PARG: variants seen among roughly 807,000 people sequenced by gnomAD.
PARG encodes poly(ADP-ribose) glycohydrolase.
PARG carries 35 observed loss-of-function variants against 113.0 expected under a neutral mutation model. That is an observed-to-expected ratio of 0.31 (90% CI 0.24 to 0.41). The LOEUF is 0.41. Among genes scored for constraint, PARG ranks in the 10% least tolerant of loss-of-function variants. PARG has a pLI of 1.00. For missense variants in PARG, 797 were observed against 1,169.4 expected, an observed-to-expected ratio of 0.68 and a Z score of 4.64; for synonymous variants, 330 against 409.9, an observed-to-expected ratio of 0.81 and a Z score of 2.36.
intron 14 of PARG, 121 bp from the exon 15 acceptor site, chr10:49,842,179 C>G (rs1554832491): frequency 1.8e-5 from 12 of 670,460 alleles, no homozygotes; most frequent in East Asian, 2.7e-5. Flanking sequence ...AAACCAGTGT[C>G]TGCAGGTCTG....
At chr10:49,848,324 G>C (rs1845606529) in intron 13 of PARG, among the ~76,000 whole-genome samples, 2 of 148,484 alleles carry the variant, frequency 1.3e-5, no homozygotes, top group Admixed American at 1.3e-4. Flanking sequence ...ACTCCAGCCT[G>C]GTGACAGAGT....
At chr10:49,821,686 G>T (rs1554828680) in intron 16 of PARG, among the ~76,000 whole-genome samples, 1 of 151,750 alleles carries the variant, frequency 6.6e-6, no homozygotes, top group African/African-American at 2.4e-5. Flanking sequence ...GGCCAAAGAG[G>T]GTATCTTTTT....
chr10:49,903,765 T>TA (rs1554844185), intron 7 of PARG, among the ~76,000 whole-genome samples: 1 of 150,906 alleles, frequency 6.6e-6, no homozygotes, highest in African/African-American at 2.4e-5. Flanking sequence ...TTAGAGTCAT[T>TA]AGACCATCAG....
intron 16 of PARG, among the ~76,000 whole-genome samples, chr10:49,829,900 G>T (rs1844571397): frequency 6.6e-6 from 1 of 151,850 alleles, no homozygotes; most frequent in African/African-American, 2.4e-5. Flanking sequence ...ATATTTTATT[G>T]CATAAATGTA....
At chr10:49,892,491 T>C (rs1362475247) in intron 7 of PARG, among the ~76,000 whole-genome samples, 4 of 152,150 alleles carry the variant, frequency 2.6e-5, no homozygotes, top group South Asian at 2.1e-4. Context: ...TTCTGTATTA[T>C]ACAATGACAA....
intron 15 of PARG, among the ~76,000 whole-genome samples, chr10:49,841,039 G>C (rs1212434247): frequency 6.6e-6 from 1 of 152,152 alleles, no homozygotes; most frequent in African/African-American, 2.4e-5. Flanking sequence ...GATCGCCTGA[G>C]GTCAGGAGTT....
At chr10:49,929,536 T>C (rs1263081320) in intron 4 of PARG, among the ~76,000 whole-genome samples, 3 of 152,274 alleles carry the variant, frequency 2.0e-5, no homozygotes, top group Admixed American at 6.5e-5. Context: ...TTTTTAGAAA[T>C]ACAGTTTTTG....
At chr10:49,927,176 G>A (rs1554850773) in intron 4 of PARG, among the ~76,000 whole-genome samples, 3 of 151,874 alleles carry the variant, frequency 2.0e-5, no homozygotes, top group African/African-American at 4.8e-5. Flanking sequence ...GCATTGTGCC[G>A]CGCGTCGGTA....
chr10:49,857,286 C>T lies in PARG; in HGVS notation c.2353+20G>A. 3 of 905,256 alleles carry T rather than the reference C, an allele frequency of 3.3e-6. No homozygotes were observed. Among genetic ancestry groups the T allele is most frequent in the Non-Finnish European group, 5.3e-6 (3 of 562,672 alleles). 56.1% of individuals were successfully genotyped at this position (905,256 alleles called of 1,614,324 possible). On this transcript the variant is annotated intron_variant, in intron 13 of 17. Coordinates refer to ENST00000616448, the MANE Select transcript of PARG (RefSeq NM_003631.5). ...CAGATGGGGAAGACTACCCCATTTT[C>T]CAGGCTTCCCAAAACTAACCTGTGA...
chr10:49,921,888 A>C (rs1390542936), intron 6 of PARG, among the ~76,000 whole-genome samples: 38 of 152,170 alleles, frequency 2.5e-4, no homozygotes, highest in African/African-American at 8.9e-4. Context: ...AAATTATTAA[A>C]CTGCTAGGAG....
chr10:49,823,190 T>C (rs782455890), intron 16 of PARG, among the ~76,000 whole-genome samples: 19 of 152,320 alleles, frequency 1.2e-4, no homozygotes, highest in Non-Finnish European at 2.2e-4. Context: ...TATATGTAAG[T>C]TAAGCTCAAA....
chr10:49,836,784 GAAT>G (rs1192989232), intron 15 of PARG, among the ~76,000 whole-genome samples: 1 of 152,064 alleles, frequency 6.6e-6, no homozygotes, highest in Non-Finnish European at 1.5e-5. Flanking sequence ...ATACGGTGGT[GAAT>G]AATAACAAAA....
At chr10:49,917,878 A>G (rs1180462289) in intron 6 of PARG, among the ~76,000 whole-genome samples, 2 of 151,632 alleles carry the variant, frequency 1.3e-5, no homozygotes, top group Non-Finnish European at 2.9e-5. Context: ...TTTTTTTCCA[A>G]TCACTGGTAT....
At chr10:49,865,981 G>A (rs554368749) in intron 10 of PARG, among the ~76,000 whole-genome samples, 26 of 144,294 alleles carry the variant, frequency 1.8e-4, no homozygotes, top group Non-Finnish European at 3.7e-4. Flanking sequence ...AGTAGCAGTC[G>A]TAGCCAGAGG....
At chr10:49,881,513 A>T (rs1174152094) in intron 8 of PARG, among the ~76,000 whole-genome samples, 1 of 152,218 alleles carries the variant, frequency 6.6e-6, no homozygotes, top group African/African-American at 2.4e-5. Context: ...CCCTTCAGTA[A>T]GACCCAGAAC....
chr10:49,933,830 G>A lies in PARG; in HGVS notation c.618C>T (p.Asp206=). 1 of 1,610,566 alleles carries A rather than the reference G, an allele frequency of 6.2e-7. No homozygotes were observed. The highest frequency in any genetic ancestry group is 8.5e-7 in the Non-Finnish European group (1 of 1,176,828). Residue 206 remains aspartate (D), a synonymous_variant, in exon 3 of 18, where the codon GAC becomes GAT. Coordinates refer to ENST00000616448, the MANE Select transcript of PARG (RefSeq NM_003631.5). ...TTACAGTTGTGAGAAACTGTTGATT[G>A]TCTCTATTCTCTTCACTATCTGTGT... The part of the protein sequence containing the change: ...HSDTDSEENR[D]NQQFLTTVKL...
chr10:49,820,073 C>T (rs1400230737), intron 17 of PARG, 92 bp downstream of exon 17: 3 of 850,764 alleles, frequency 3.5e-6, no homozygotes, highest in African/African-American at 3.4e-5. Context: ...TTTCTTCGTA[C>T]CCACTGTGAT....
At chr10:49,911,031 C>G (rs1466732283) in intron 7 of PARG, among the ~76,000 whole-genome samples, 1 of 152,056 alleles carries the variant, frequency 6.6e-6, no homozygotes, top group Non-Finnish European at 1.5e-5. Context: ...ACCTGTAATC[C>G]CAGCACTTTG....
intron 13 of PARG, among the ~76,000 whole-genome samples, chr10:49,852,087 T>C (rs1197402048): frequency 1.3e-5 from 2 of 152,336 alleles, no homozygotes; most frequent in African/African-American, 4.8e-5. Context: ...GGATGCATCA[T>C]TGAAGGAACG....
Sources: gnomAD v4.1 joint callset for allele counts (sites outside exome capture counted in the v4.1 genomes callset) on GRCh38, gnomAD v4.1.1 for gene constraint, MANE v1.5 for transcripts, NCBI Gene and HGNC (gene_info 2026-07-23, HGNC 2026-07-21) for gene names.